The following PRICKLE2 variants were observed in gnomAD, a reference collection of about 807,000 sequenced individuals.
PRICKLE2 encodes prickle-like protein 2.
PRICKLE2 carries 21 observed loss-of-function variants against 81.4 expected under a neutral mutation model. The ratio of observed to expected loss-of-function variants is 0.26; its 90% CI spans 0.18 to 0.37. The LOEUF is 0.37. PRICKLE2 is among the 10% of genes least tolerant of loss of function. The pLI, the probability that PRICKLE2 is intolerant of heterozygous loss-of-function variation, is 1.00. For synonymous variants in PRICKLE2, 456 were observed against 421.5 expected (o/e 1.08, Z -1.00); for missense variants, 940 against 1,109.0 (o/e 0.85, Z 2.16).
intron 2 of PRICKLE2, among the ~76,000 whole-genome samples, chr3:64,183,694 GC>G (rs2078173529): frequency 6.6e-6 from 1 of 152,080 alleles, no homozygotes; most frequent in Non-Finnish European, 1.5e-5. Context: ...TGGAAACATT[GC>G]CATGTTTATT....
intron 2 of PRICKLE2, among the ~76,000 whole-genome samples, chr3:64,251,581 C>T (rs921148031): frequency 1.3e-5 from 2 of 152,186 alleles, no homozygotes; most frequent in South Asian, 4.1e-4. Context: ...CTATGAGATT[C>T]CCCTTCACAT....
chr3:64,186,177 G>A (rs1457480928), intron 2 of PRICKLE2, among the ~76,000 whole-genome samples: 1 of 152,174 alleles, frequency 6.6e-6, no homozygotes, highest in Non-Finnish European at 1.5e-5. Context: ...CCATGTACCT[G>A]TGGATAGACT....
At chr3:64,214,857 G>A (rs747775015) in intron 1 of PRICKLE2, among the ~76,000 whole-genome samples, 21 of 152,142 alleles carry the variant, frequency 1.4e-4, no homozygotes, top group Non-Finnish European at 1.8e-4. Flanking sequence ...TTGACGAAAC[G>A]AACAAGGAGG....
intron 2 of PRICKLE2, among the ~76,000 whole-genome samples, chr3:64,180,320 A>G (rs2078106287): frequency 6.6e-6 from 1 of 152,176 alleles, no homozygotes; most frequent in Non-Finnish European, 1.5e-5. Context: ...GCGGTAAAAT[A>G]TACAGAATAT....
chr3:64,235,087 T>G (rs1399696247), intron 2 of PRICKLE2, among the ~76,000 whole-genome samples: 1 of 152,186 alleles, frequency 6.6e-6, no homozygotes, highest in Non-Finnish European at 1.5e-5. Context: ...CTCTTCAGCA[T>G]ACACAATCTT....
intron 2 of PRICKLE2, among the ~76,000 whole-genome samples, chr3:64,262,405 C>T (rs1411607342): frequency 6.6e-6 from 1 of 152,074 alleles, no homozygotes; most frequent in South Asian, 2.1e-4. Context: ...TATGTTTTGA[C>T]ACAGCAAGTC....
intron 1 of PRICKLE2, among the ~76,000 whole-genome samples, chr3:64,214,843 A>C (rs1327839334): frequency 6.6e-6 from 1 of 152,162 alleles, no homozygotes; most frequent in Non-Finnish European, 1.5e-5. Flanking sequence ...CACTTTTAGC[A>C]TAGTTGACGA....
chr3:64,154,639 A>G (rs529743413), intron 5 of PRICKLE2: 6 of 152,348 alleles, frequency 3.9e-5, no homozygotes, highest in African/African-American at 9.6e-5. Context: ...AATCTTTATG[A>G]TCTTGAACTA....
intron 5 of PRICKLE2, chr3:64,154,961 C>T (rs1055817499): frequency 1.3e-5 from 2 of 151,826 alleles, no homozygotes; most frequent in Non-Finnish European, 2.9e-5. Context: ...TGAGCCTCAC[C>T]AATATGGTGA....
Position 64,096,871 on chromosome 3 carries a change from A to C in PRICKLE2, c.*2180T>G, listed in dbSNP as rs2076578971. The stretch of plus-strand genomic sequence containing the variant: ...ACAGACATATTTTCAACCGTTTGCT[A>C]AGATAAGTGATCTACTTTTCCCCCT... On this transcript the variant is annotated 3_prime_UTR_variant, in exon 8 of 8. Coordinates refer to ENST00000638394, the MANE Select transcript of PRICKLE2 (RefSeq NM_198859.4). 6.6e-6 allele frequency: 1 copy of C among 152,634 alleles called. No homozygotes were observed. The highest frequency in any genetic ancestry group is 1.5e-5 in the Non-Finnish European group (1 of 68,046). 9.5% of individuals were successfully genotyped at this position (152,634 alleles called of 1,614,324 possible).
In PRICKLE2 at chr3:64,096,133, A is replaced by G. The variant is rs1361342703; in HGVS notation, c.*2918T>C. On this transcript the variant is annotated 3_prime_UTR_variant, in exon 8 of 8. Transcript: ENST00000638394. ...AACTCCGAAGTTGCAGTTCTAACCA[A>G]AAGACAAGAAGATCAATATTAGGAG... The G allele has an allele frequency of 6.6e-6, 1 of 152,234 alleles. No individual in the cohort carries two copies. Among genetic ancestry groups the G allele is most frequent in the Non-Finnish European group, 1.5e-5 (1 of 68,046 alleles). 9.4% of individuals were successfully genotyped at this position (152,234 alleles called of 1,614,324 possible).
At chr3:64,126,217 G>A (rs953830029) in intron 7 of PRICKLE2, among the ~76,000 whole-genome samples, 1 of 152,280 alleles carries the variant, frequency 6.6e-6, no homozygotes, top group Non-Finnish European at 1.5e-5. Context: ...GGCTGAAACA[G>A]TCTGGGACAA....
chr3:64,127,781 C>T (rs2077133057), intron 7 of PRICKLE2, among the ~76,000 whole-genome samples: 1 of 151,794 alleles, frequency 6.6e-6, no homozygotes, highest in African/African-American at 2.4e-5. Flanking sequence ...GGCCCCGATG[C>T]TCAAGATAAC....
intron 1 of PRICKLE2, among the ~76,000 whole-genome samples, chr3:64,204,025 C>T (rs2078637647): frequency 6.6e-6 from 1 of 151,926 alleles, no homozygotes; most frequent in Admixed American, 6.6e-5. Context: ...AAAACAACAA[C>T]AACAACAACA....
chr3:64,208,379 C>G (rs2078726845), intron 1 of PRICKLE2, among the ~76,000 whole-genome samples: 1 of 152,212 alleles, frequency 6.6e-6, no homozygotes, highest in East Asian at 1.9e-4. Context: ...GACCCCCACA[C>G]AGGGCTTCAG....
At chr3:64,127,621 G>A (rs1368591262) in intron 7 of PRICKLE2, among the ~76,000 whole-genome samples, 1 of 152,026 alleles carries the variant, frequency 6.6e-6, no homozygotes, top group Non-Finnish European at 1.5e-5. Context: ...AAGGCTTAAG[G>A]TCTCAGCTGG....
In PRICKLE2 at chr3:64,147,020, A is replaced by C; in HGVS notation, c.1470T>G (p.Ser490Arg). ...QESYSDMSSQ[S>R]FSETRGSIQV... ...GGATGCTGCCTCGGGTCTCACTGAA[A>C]CTCTGACTAGACATATCACTGTAGC... is the stretch of plus-strand genomic sequence containing the variant. The change falls in exon 7 of 8, where the codon AGT becomes AGG. Residue 490 changes from serine (S) to arginine (R), a missense_variant. Around this residue, in one of 2 missense-constraint regions of PRICKLE2, gnomAD observed 670 missense variants for 717.2 expected, o/e 0.93. Transcript: ENST00000638394. The surrounding 1 kb of genome is among the most constrained non-coding windows in gnomAD (Gnocchi z 5.0). 6.2e-7 allele frequency: 1 copy of C among 1,613,536 alleles called. No homozygotes were observed. The highest frequency in any genetic ancestry group is 8.5e-7 in the Non-Finnish European group (1 of 1,179,900).
intron 2 of PRICKLE2, among the ~76,000 whole-genome samples, chr3:64,233,029 G>C (rs529406525): frequency 5.8e-4 from 88 of 152,290 alleles, no homozygotes; most frequent in African/African-American, 2.0e-3. Context: ...ACAATGGCAG[G>C]GTTGAGTCAT....
At chr3:64,182,427 T>A (rs955454623) in intron 2 of PRICKLE2, among the ~76,000 whole-genome samples, 4 of 151,632 alleles carry the variant, frequency 2.6e-5, no homozygotes, top group African/African-American at 9.7e-5. Flanking sequence ...GCAGGGAGGT[T>A]GAAGCTGCAG....
Sources: gnomAD v4.1 joint callset for allele counts (sites outside exome capture counted in the v4.1 genomes callset) on GRCh38, gnomAD v4.1.1 for gene constraint, gnomAD v4.1.1 regional missense constraint, Gnocchi (gnomAD v3.1) non-coding constraint, MANE v1.5 for transcripts, NCBI Gene and HGNC (gene_info 2026-07-23, HGNC 2026-07-21) for gene names.